The following FRS2 variants were observed in gnomAD, a reference collection of about 807,000 sequenced individuals.
FRS2 encodes the protein FGFR signalling adaptor.
Under a neutral mutation model 43.9 loss-of-function variants are expected in FRS2, and 8 were observed. That is an observed-to-expected ratio of 0.18 (90% CI 0.11 to 0.33). FRS2 has a LOEUF of 0.33. Ranked by LOEUF, FRS2 falls within the 10% of genes least tolerant of loss-of-function variation. FRS2 has a pLI of 1.00. For missense variants in FRS2, 534 were observed against 627.6 expected, an observed-to-expected ratio of 0.85 and a Z score of 1.59; for synonymous variants, 219 against 220.3, an observed-to-expected ratio of 0.99 and a Z score of 0.05.
At chr12:69,555,484 CT>C (rs1879259053) in intron 3 of FRS2, among the ~76,000 whole-genome samples, 2 of 152,110 alleles carry the variant, frequency 1.3e-5, no homozygotes, top group African/African-American at 4.8e-5. Context: ...TTCTGGTAAA[CT>C]TTTTGTTGTT....
intron 1 of FRS2, among the ~76,000 whole-genome samples, chr12:69,485,522 A>G (rs996840686): frequency 3.0e-5 from 4 of 133,104 alleles, no homozygotes; most frequent in African/African-American, 1.2e-4. Flanking sequence ...TGCTCTTGTC[A>G]CCCAGGCTGG....
At chr12:69,554,854 G>A (rs1039673420) in intron 3 of FRS2, among the ~76,000 whole-genome samples, 8 of 148,724 alleles carry the variant, frequency 5.4e-5, no homozygotes, top group South Asian at 2.1e-4. Context: ...ACAGGCATTC[G>A]CCACCACGCC....
chr12:69,535,192 A>G (rs985793880), intron 3 of FRS2, among the ~76,000 whole-genome samples: 4 of 152,218 alleles, frequency 2.6e-5, no homozygotes, highest in Non-Finnish European at 5.9e-5. Context: ...GGTAAAAATA[A>G]TGATTCAAGG....
intron 3 of FRS2, among the ~76,000 whole-genome samples, chr12:69,545,692 G>C (rs1401184249): frequency 6.8e-6 from 1 of 147,922 alleles, no homozygotes; most frequent in Non-Finnish European, 1.5e-5. Flanking sequence ...GGAGATGGAG[G>C]TTGCAGTGAG....
At chr12:69,536,710 A>G (rs1217804325) in intron 3 of FRS2, among the ~76,000 whole-genome samples, 1 of 151,848 alleles carries the variant, frequency 6.6e-6, no homozygotes, top group Non-Finnish European at 1.5e-5. Context: ...AGCTGGGACC[A>G]CAGGCATGCG....
At chr12:69,561,372 T>A (rs1879861330) in intron 3 of FRS2, among the ~76,000 whole-genome samples, 1 of 152,216 alleles carries the variant, frequency 6.6e-6, no homozygotes, top group Admixed American at 6.5e-5. Context: ...GTTTTGGAAA[T>A]GTTCATTTTG....
intron 3 of FRS2, among the ~76,000 whole-genome samples, chr12:69,561,776 A>G (rs938301692): frequency 6.6e-6 from 1 of 152,156 alleles, no homozygotes; most frequent in African/African-American, 2.4e-5. Flanking sequence ...GGTTTAGGAA[A>G]TGTCACTGGG....
intron 4 of FRS2, among the ~76,000 whole-genome samples, chr12:69,563,740 C>T (rs1193461984): frequency 6.6e-6 from 1 of 152,172 alleles, no homozygotes; most frequent in African/African-American, 2.4e-5. Context: ...CCTCATTCTA[C>T]AAGCCTTGCG....
At chr12:69,503,361 T>C (rs1873634169) in intron 1 of FRS2, among the ~76,000 whole-genome samples, 1 of 152,172 alleles carries the variant, frequency 6.6e-6, no homozygotes, top group East Asian at 1.9e-4. Context: ...AGTTCAGGAT[T>C]ATCCAGCTGG....
intron 4 of FRS2, among the ~76,000 whole-genome samples, chr12:69,566,070 G>T (rs1880270031): frequency 1.3e-5 from 2 of 152,158 alleles, no homozygotes; most frequent in South Asian, 4.1e-4. Flanking sequence ...TAGCTGACAG[G>T]AATTTTTCAG....
chr12:69,534,543 G>A (rs1333786415), intron 3 of FRS2, among the ~76,000 whole-genome samples: 1 of 152,168 alleles, frequency 6.6e-6, no homozygotes, highest in Non-Finnish European at 1.5e-5. Context: ...ACTTTAAATG[G>A]ACCAGCTGTC....
chr12:69,489,229 A>G (rs1002906763), intron 1 of FRS2, among the ~76,000 whole-genome samples: 1 of 152,152 alleles, frequency 6.6e-6, no homozygotes, highest in Non-Finnish European at 1.5e-5. Flanking sequence ...CCCAGTCAAT[A>G]GGTAATCTTG....
At chr12:69,514,449 G>T (rs547464216) in intron 1 of FRS2, among the ~76,000 whole-genome samples, 1 of 152,120 alleles carries the variant, frequency 6.6e-6, no homozygotes, top group Non-Finnish European at 1.5e-5. Context: ...TCACTAATTC[G>T]CTACTCTGGG....
At chr12:69,572,572 T>A (rs559165848) in intron 8 of FRS2, among the ~76,000 whole-genome samples, 1 of 152,300 alleles carries the variant, frequency 6.6e-6, no homozygotes, top group South Asian at 2.1e-4. Flanking sequence ...GAATGTCCAA[T>A]GGATTAAGAG....
chr12:69,526,054 C>T (rs1187886676), intron 1 of FRS2, among the ~76,000 whole-genome samples: 2 of 152,058 alleles, frequency 1.3e-5, no homozygotes, highest in Non-Finnish European at 2.9e-5. Flanking sequence ...AGACGGGTTT[C>T]ACCATGTTTA....
At chr12:69,516,927 A>G (rs891496177) in intron 1 of FRS2, among the ~76,000 whole-genome samples, 24 of 152,210 alleles carry the variant, frequency 1.6e-4, no homozygotes, top group Admixed American at 1.3e-3. Context: ...GTGTTGGCAT[A>G]TATAGACTTA....
intron 1 of FRS2, among the ~76,000 whole-genome samples, chr12:69,486,958 T>C (rs534746985): frequency 1.6e-4 from 24 of 152,314 alleles, no homozygotes; most frequent in African/African-American, 5.3e-4. Context: ...CTATGTAACA[T>C]AAAAGTGCAA....
intron 1 of FRS2, among the ~76,000 whole-genome samples, chr12:69,492,198 T>C (rs936164372): frequency 1.3e-5 from 2 of 152,180 alleles, no homozygotes; most frequent in Non-Finnish European, 2.9e-5. Flanking sequence ...GTGAATGAAT[T>C]GTGTTTAAAA....
intron 3 of FRS2, among the ~76,000 whole-genome samples, chr12:69,543,690 A>C (rs913591434): frequency 1.3e-5 from 2 of 152,218 alleles, no homozygotes; most frequent in Non-Finnish European, 2.9e-5. Context: ...AACCTGAAGC[A>C]AGTGAAGGAG....
Sources: gnomAD v4.1 joint callset for allele counts (sites outside exome capture counted in the v4.1 genomes callset) on GRCh38, gnomAD v4.1.1 for gene constraint, MANE v1.5 for transcripts, NCBI Gene and HGNC (gene_info 2026-07-23, HGNC 2026-07-21) for gene names.